The following DPEP1 variants were observed in gnomAD, a reference collection of about 807,000 sequenced individuals.
DPEP1 encodes beta-lactamase.
DPEP1 carries 50 observed loss-of-function variants against 42.3 expected under a neutral mutation model. The ratio of observed to expected loss-of-function variants is 1.18; its 90% CI spans 0.94 to 1.50. The LOEUF (loss-of-function observed/expected upper bound fraction) is 1.50, where lower values mean the gene tolerates loss of function less well. Among genes scored for constraint, DPEP1 ranks in the 40% most tolerant of loss-of-function variants. The pLI, the probability that DPEP1 is intolerant of heterozygous loss-of-function variation, is 0.00. For synonymous variants in DPEP1, 297 were observed against 234.0 expected, an observed-to-expected ratio of 1.27 and a Z score of -2.46; for missense variants, 663 against 553.0, an observed-to-expected ratio of 1.20 and a Z score of -1.99.
Position 89,638,180 on chromosome 16 carries a change from G to A in DPEP1, c.1194G>A (p.Leu398=), listed in dbSNP as rs143524335. 1.5e-4 allele frequency: 242 copies of A among 1,599,462 alleles called. No homozygotes were observed. In the African/African-American group the frequency reaches 2.8e-3, roughly 18 times the overall value. ...TCCATCGCCACTGGGGGCTCCTGCT[G>A]GCCTCCCTCGCTCCCCTGGTCCTCT... The part of the protein sequence containing the change: ...SSLHRHWGLL[L]ASLAPLVLCL... The change falls in exon 11 of 11, where the codon CTG becomes CTA. Residue 398 remains leucine, a synonymous_variant. Transcript: ENST00000690203.
intron 2 of DPEP1, among the ~76,000 whole-genome samples, chr16:89,635,184 TC>T (rs796162869): frequency 4.1e-5 from 4 of 96,758 alleles, no homozygotes; most frequent in African/African-American, 1.3e-4. Flanking sequence ...CCTTCTCCTT[TC>T]CCCTTCCTTC....
At chr16:89,614,756 C>A (rs986445327) in intron 1 of DPEP1, among the ~76,000 whole-genome samples, 1 of 152,204 alleles carries the variant, frequency 6.6e-6, no homozygotes, top group Admixed American at 6.5e-5. Flanking sequence ...GATCGTGCCA[C>A]TGCACTCCAG....
intron 1 of DPEP1, among the ~76,000 whole-genome samples, chr16:89,627,239 C>G (rs888822771): frequency 1.4e-5 from 2 of 147,068 alleles, no homozygotes; most frequent in Non-Finnish European, 3.0e-5. Flanking sequence ...CGCCACTGCA[C>G]TCCAGCCTGG....
chr16:89,624,869 C>T (rs926548141), intron 1 of DPEP1, among the ~76,000 whole-genome samples: 1 of 152,130 alleles, frequency 6.6e-6, no homozygotes, highest in Admixed American at 6.6e-5. Context: ...TTCATGGTTC[C>T]TATACCTCTT....
chr16:89,617,667 G>A (rs915693042), intron 1 of DPEP1, among the ~76,000 whole-genome samples: 198 of 55,190 alleles, frequency 3.6e-3, no homozygotes, highest in African/African-American at 6.3e-3. Context: ...CGGGCGCGGC[G>A]GCTCACACCT....
rs770529026 is a variant in DPEP1, at chr16:89,636,615, CG to C, written c.454del (p.Val152SerfsTer13). The C allele has an allele frequency of 3.7e-5, 59 of 1,612,460 alleles. No individual in the cohort carries two copies. In the Middle Eastern group the frequency reaches 4.9e-4, roughly 13 times the overall value. On this transcript the variant is annotated frameshift_variant, in exon 5 of 11. Transcript: ENST00000690203. LOFTEE classifies it high-confidence loss of function. ...GCCACTCCATTGACAGCAGTTTGGG[CG>C]TCCTGCGGGCACTCTATCAGCTGGG... is the stretch of plus-strand genomic sequence containing the variant. ...GGHSIDSSLG[V>X]LRALYQLGMR...
intron 1 of DPEP1, among the ~76,000 whole-genome samples, chr16:89,615,664 C>T (rs1048065258): frequency 3.9e-5 from 6 of 152,198 alleles, no homozygotes; most frequent in African/African-American, 1.4e-4. Context: ...AGTGAGCCCC[C>T]AGGACCCCGC....
chr16:89,639,196 A>C (rs1378747349), downstream of DPEP1, among the ~76,000 whole-genome samples: 1 of 16,788 alleles, frequency 6.0e-5, no homozygotes, highest in Admixed American at 8.5e-4. Context: ...CCACCCCTGC[A>C]CACACCCCCA....
intron 1 of DPEP1, among the ~76,000 whole-genome samples, chr16:89,623,021 T>A (rs1181260782): frequency 1.3e-5 from 2 of 152,158 alleles, no homozygotes; most frequent in Non-Finnish European, 2.9e-5. Context: ...AGGTCGGGGT[T>A]TGTTCCCAAT....
At chr16:89,637,762 C>T in intron 9 of DPEP1, 55 bp downstream of exon 9, 1 of 1,612,734 alleles carries the variant, frequency 6.2e-7, no homozygotes, top group Non-Finnish European at 8.5e-7. Flanking sequence ...ATGGCCTCGT[C>T]AGAGGGATGA....
chr16:89,640,699 T>A, downstream of DPEP1: 2 of 945,720 alleles, frequency 2.1e-6, no homozygotes, highest in Non-Finnish European at 2.5e-6. Flanking sequence ...GGGTCCCTGG[T>A]GGGCTGCAAG....
intron 5 of DPEP1, 78 bp from the exon 6 acceptor site, chr16:89,636,788 G>A (rs1018166825): frequency 1.2e-6 from 2 of 1,602,424 alleles, no homozygotes; most frequent in Non-Finnish European, 1.7e-6. Context: ...TGAGTCCCAG[G>A]CCGGGCCTCG....
intron 2 of DPEP1, among the ~76,000 whole-genome samples, chr16:89,634,323 G>A (rs1013126939): frequency 3.9e-5 from 6 of 152,174 alleles, no homozygotes; most frequent in East Asian, 3.9e-4. Flanking sequence ...TCCTGACCTT[G>A]TGATCTGCCC....
Position 89,619,999 on chromosome 16 carries a change from G to A in DPEP1, c.-107+6280G>A, listed in dbSNP as rs117660368. Among the ~76,000 whole-genome samples, 4 of 143,226 alleles carry A rather than the reference G, an allele frequency of 2.8e-5. No individual in the cohort carries two copies. In the East Asian group the frequency reaches 6.4e-4, roughly 23 times the overall value. 94.0% of individuals were successfully genotyped at this position (143,226 alleles called of 152,430 possible). On this transcript the variant is annotated intron_variant, in intron 1 of 10. Transcript: ENST00000690203. ...TCCGGGATAGGCCTGGCCTCCCCCC[G>A]CCTGCTTGAACCCACTGAGTATGCC...
At position 89,638,428 on chromosome 16, in the gene DPEP1, T is replaced by G; in HGVS notation, c.*206T>G. On this transcript the variant is annotated 3_prime_UTR_variant, in exon 11 of 11. Coordinates refer to ENST00000690203, the MANE Select transcript of DPEP1 (RefSeq NM_001389466.1). ...AGGCCCGCAATAAAAGCAACACCCC[T>G]TCACATCCTGGGGTACGTGTCATCG... The G allele has an allele frequency of 3.0e-6, 4 of 1,333,038 alleles. No homozygotes were observed. Among genetic ancestry groups the G allele is most frequent in the Non-Finnish European group, 3.8e-6 (4 of 1,046,938 alleles). 82.6% of individuals were successfully genotyped at this position (1,333,038 alleles called of 1,614,324 possible).
At chr16:89,636,446 C>G (rs1461673596) in intron 4 of DPEP1, 50 bp downstream of exon 4, 1 of 1,597,686 alleles carries the variant, frequency 6.3e-7, no homozygotes, top group East Asian at 2.2e-5. Flanking sequence ...TCACCCAGCC[C>G]TCATCCTGAG....
chr16:89,620,155 G>A (rs144857293), intron 1 of DPEP1, among the ~76,000 whole-genome samples: 1 of 152,024 alleles, frequency 6.6e-6, no homozygotes, highest in African/African-American at 2.4e-5. Context: ...CCTCGATTGT[G>A]GCTGGGGATG....
chr16:89,639,717 G>A (rs137873456), downstream of DPEP1, among the ~76,000 whole-genome samples: 4,118 of 151,658 alleles, frequency 0.027, 73 homozygotes, highest in South Asian at 0.075. Context: ...ATGGAATCTC[G>A]CTCCGTCACC....
In DPEP1 at chr16:89,637,283, T is replaced by C; in HGVS notation, c.671T>C (p.Leu224Pro). 1 of 1,612,696 alleles carries C rather than the reference T, an allele frequency of 6.2e-7. No homozygotes were observed. The highest frequency in any genetic ancestry group is 8.5e-7 in the Non-Finnish European group (1 of 1,179,956). Reference protein sequence around the residue: ...HVSVATMKATLQLSRAPVIFS... With the variant: ...HVSVATMKATPQLSRAPVIFS... ...TCTGTGGCCACCATGAAGGCCACCCTGCAGCTGTCCAGAGCCCCGGTCATC... is the reference window on the plus strand; with the variant it reads ...TCTGTGGCCACCATGAAGGCCACCCCGCAGCTGTCCAGAGCCCCGGTCATC... The change falls in exon 7 of 11, where the codon CTG (leucine) becomes CCG (proline). Residue 224 changes from leucine (L) to proline (P), a missense_variant. Leu to Pro is a moderately conservative substitution (Grantham distance 98). Coordinates refer to ENST00000690203, the MANE Select transcript of DPEP1 (RefSeq NM_001389466.1).
Sources: gnomAD v4.1 joint callset for allele counts (sites outside exome capture counted in the v4.1 genomes callset) on GRCh38, gnomAD v4.1.1 for gene constraint, MANE v1.5 for transcripts, NCBI Gene and HGNC (gene_info 2026-07-23, HGNC 2026-07-21) for gene names.